GSPT1: variants seen among roughly 807,000 people sequenced by gnomAD.
GSPT1 encodes G1 to S phase transition 1.
A neutral mutation model predicts 72.5 loss-of-function variants in GSPT1; 20 were observed. That is an observed-to-expected ratio of 0.28 (90% CI 0.19 to 0.40). The LOEUF is 0.40. Among genes scored for constraint, GSPT1 ranks in the 10% least tolerant of loss-of-function variants. The pLI, the probability that GSPT1 is intolerant of heterozygous loss-of-function variation, is 1.00. For missense variants in GSPT1, 580 were observed against 811.9 expected (o/e 0.71, Z 3.47); for synonymous variants, 334 against 293.5 (o/e 1.14, Z -1.41).
At chr16:11,892,851 A>AAAAAAAAG (rs1567443552) in intron 5 of GSPT1, among the ~76,000 whole-genome samples, 7 of 144,112 alleles carry the variant, frequency 4.9e-5, no homozygotes, top group African/African-American at 1.8e-4. Context: ...AAAAAAAAAA[A>AAAAAAAAG]AAAAGAAAAG....
intron 12 of GSPT1, 33 bp from the exon 13 acceptor site, chr16:11,876,208 G>C: frequency 7.8e-7 from 1 of 1,285,884 alleles, no homozygotes; most frequent in Non-Finnish European, 1.1e-6. Flanking sequence ...CTTATCTTTA[G>C]CCTTAGGGTA....
At chr16:11,876,293 TA>T (rs2054045350) in intron 12 of GSPT1, 118 bp from the exon 13 acceptor site, 1 of 723,236 alleles carries the variant, frequency 1.4e-6, no homozygotes, top group Non-Finnish European at 2.4e-6. Flanking sequence ...GACATCAACT[TA>T]AGTGATTTTT....
chr16:11,886,304 T>G (rs1000094690), intron 9 of GSPT1, among the ~76,000 whole-genome samples, 167 bp downstream of exon 9: 1 of 152,120 alleles, frequency 6.6e-6, no homozygotes, highest in Admixed American at 6.6e-5. Flanking sequence ...TGGGCAAAGA[T>G]CTTAGTATTT....
intron 11 of GSPT1, among the ~76,000 whole-genome samples, chr16:11,880,670 G>A (rs189969137): frequency 4.2e-4 from 64 of 152,268 alleles, no homozygotes; most frequent in African/African-American, 1.4e-3. Flanking sequence ...AGCAGTGCTA[G>A]GCATTTCTTC....
chr16:11,915,447 C>G lies in GSPT1; in HGVS notation c.274G>C (p.Gly92Arg). The change falls in exon 1 of 15, where the codon GGC (glycine) becomes CGC (arginine). Residue 92 changes from glycine to arginine, a missense_variant. By Grantham distance (125) the Gly-to-Arg change is moderately radical (BLOSUM62 -2). This residue lies in a region of GSPT1 where 327 missense variants were observed against 298.8 expected (regional missense o/e 1.09). Transcript: ENST00000434724. ...ACTGGGGGTGGCGGCGCTGCCGGGC[C>G]CCGCAGGAAGGACGGCACGAACTCG... ...AAEFVPSFLR[G>R]PAAPPPPVGG... 1 of 1,535,814 alleles carries G rather than the reference C, an allele frequency of 6.5e-7. No homozygotes were observed. Among genetic ancestry groups the G allele is most frequent in the Non-Finnish European group, 8.7e-7 (1 of 1,143,524 alleles).
chr16:11,882,197 C>T (rs948882041), intron 11 of GSPT1: 2 of 152,248 alleles, frequency 1.3e-5, no homozygotes, highest in Non-Finnish European at 2.9e-5. Flanking sequence ...TGCAGTGAGC[C>T]AAGAATGTGC....
At chr16:11,879,618 A>G (rs1458816262) in intron 11 of GSPT1, among the ~76,000 whole-genome samples, 7 of 151,496 alleles carry the variant, frequency 4.6e-5, no homozygotes, top group African/African-American at 1.7e-4. Flanking sequence ...CTGTAATCCC[A>G]GCTACTTGGG....
intron 6 of GSPT1, 157 bp downstream of exon 6, chr16:11,890,905 G>T: frequency 2.0e-6 from 1 of 496,630 alleles, no homozygotes; most frequent in Non-Finnish European, 3.6e-6. Context: ...AAAGCATTAG[G>T]AACTCATCTA....
At chr16:11,882,102 G>A (rs2054129830) in intron 11 of GSPT1, 1 of 152,208 alleles carries the variant, frequency 6.6e-6, no homozygotes, top group Non-Finnish European at 1.5e-5. Flanking sequence ...CCAACAAGGT[G>A]AAACCCTGTC....
intron 14 of GSPT1, 124 bp downstream of exon 14, chr16:11,875,637 G>T: frequency 1.6e-6 from 1 of 637,810 alleles, no homozygotes. Flanking sequence ...ACACTCATAC[G>T]AATAAGAATG....
At position 11,877,212 on chromosome 16, in the gene GSPT1, G is replaced by C. The variant is rs577582787; in HGVS notation, c.1602+195C>G. Among the ~76,000 whole-genome samples, 3 of 152,338 alleles carry C rather than the reference G, an allele frequency of 2.0e-5. No homozygotes were observed. The South Asian group carries it at 6.2e-4, about 32-fold the overall frequency. Reference sequence around the variant, plus strand: ...AATACTCCTTATCCAGTAAGCACTTGTACCAGCTTGAAGACCTTGTATGAG... The same window carrying C: ...AATACTCCTTATCCAGTAAGCACTTCTACCAGCTTGAAGACCTTGTATGAG... On this transcript the variant is annotated intron_variant, in intron 12 of 14. Coordinates refer to ENST00000434724, the MANE Select transcript of GSPT1 (RefSeq NM_002094.4). This position sits in a 1 kb window ranked among gnomAD's most constrained non-coding sequence, Gnocchi z 4.0.
At chr16:11,890,573 T>G (rs545269902) in intron 6 of GSPT1, among the ~76,000 whole-genome samples, 6 of 152,322 alleles carry the variant, frequency 3.9e-5, no homozygotes, top group African/African-American at 1.4e-4. Flanking sequence ...GCTTGCTAAC[T>G]TTTTAAAAAT....
chr16:11,900,295 T>C (rs1411519060), intron 1 of GSPT1, among the ~76,000 whole-genome samples: 2 of 148,686 alleles, frequency 1.3e-5, no homozygotes, highest in Non-Finnish European at 1.5e-5. Flanking sequence ...ATCACGTCAC[T>C]GCACTCCAGC....
At chr16:11,899,573 C>G (rs1350810293) in intron 1 of GSPT1, among the ~76,000 whole-genome samples, 2 of 152,024 alleles carry the variant, frequency 1.3e-5, no homozygotes, top group African/African-American at 4.8e-5. Flanking sequence ...GTGGGATGAG[C>G]AGGACATTAA....
In GSPT1 at chr16:11,910,688, C is replaced by G. The variant is rs75785020; in HGVS notation, c.352+4681G>C. Among the ~76,000 whole-genome samples, 275 of 152,294 alleles carry G rather than the reference C, an allele frequency of 1.8e-3. 9 individuals are homozygous for G. The East Asian group carries it at 0.048, about 27-fold the overall frequency. Reference sequence around the variant, plus strand: ...AAGCAAATCAAGGCTTAAACTTTGTCGTCTACATTACTTCCTTAACTTGTT... The same window carrying G: ...AAGCAAATCAAGGCTTAAACTTTGTGGTCTACATTACTTCCTTAACTTGTT... On this transcript the variant is annotated intron_variant, in intron 1 of 14. Transcript: ENST00000434724.
rs2053961792 is a variant in GSPT1 at position 11,870,073 on chromosome 16, A to G, written c.*3046T>C. 1 of 152,028 alleles carries G rather than the reference A, an allele frequency of 6.6e-6. No individual in the cohort carries two copies. The highest frequency in any genetic ancestry group is 1.5e-5 in the Non-Finnish European group (1 of 68,024). 9.4% of individuals were successfully genotyped at this position (152,028 alleles called of 1,614,324 possible). A position where few individuals can be genotyped will look rare whatever the true frequency, so the allele number is the denominator to read the frequency against. ...CAACCTGCACTGTTAGAGTTTAGGA[A>G]CTTTTGACATTCGGTTATCACATAT... is the stretch of plus-strand genomic sequence containing the variant. On this transcript the variant is annotated 3_prime_UTR_variant, in exon 15 of 15. Transcript: ENST00000434724.
At chr16:11,889,890 C>T (rs2054236322) in intron 6 of GSPT1, among the ~76,000 whole-genome samples, 1 of 152,046 alleles carries the variant, frequency 6.6e-6, no homozygotes, top group Non-Finnish European at 1.5e-5. Context: ...GATCTGCCTG[C>T]CTTGCCTCCC....
At chr16:11,893,017 C>T (rs33640) in intron 5 of GSPT1, among the ~76,000 whole-genome samples, 70,039 of 151,522 alleles carry the variant, frequency 0.46, 17,565 homozygotes, top group East Asian at 0.76. Flanking sequence ...GGGAACTTCC[C>T]GTACTGTTTT....
chr16:11,876,806 A>C (rs532896654), intron 12 of GSPT1, among the ~76,000 whole-genome samples: 102 of 152,308 alleles, frequency 6.7e-4, no homozygotes, highest in African/African-American at 2.4e-3. Context: ...ATATTCCCCA[A>C]GGAACTAAGC....
Sources: gnomAD v4.1 joint callset for allele counts (sites outside exome capture counted in the v4.1 genomes callset) on GRCh38, gnomAD v4.1.1 for gene constraint, gnomAD v4.1.1 regional missense constraint, Gnocchi (gnomAD v3.1) non-coding constraint, MANE v1.5 for transcripts, NCBI Gene and HGNC (gene_info 2026-07-23, HGNC 2026-07-21) for gene names.